UCP1: variants seen among roughly 807,000 people sequenced by gnomAD.
UCP1 encodes mitochondrial brown fat uncoupling protein 1.
A neutral mutation model predicts 26.2 loss-of-function variants in UCP1; 24 were observed. That is an observed-to-expected ratio of 0.92 (90% CI 0.66 to 1.29). The LOEUF (loss-of-function observed/expected upper bound fraction) is 1.29, where lower values mean the gene tolerates loss of function less well. UCP1 is among the 50% of genes most tolerant of loss of function. The pLI, the probability that UCP1 is intolerant of heterozygous loss-of-function variation, is 0.00. For missense variants in UCP1, 402 were observed against 388.7 expected (o/e 1.03, Z -0.29); for synonymous variants, 164 against 156.8 (o/e 1.05, Z -0.34).
chr4:140,568,545 G>T, intron 1 of UCP1, 59 bp downstream of exon 1: 1 of 1,609,682 alleles, frequency 6.2e-7, no homozygotes, highest in Non-Finnish European at 8.5e-7. Flanking sequence ...TAAATGGAAT[G>T]CACGCAACAG....
rs776290488 is a variant in UCP1 at position 140,563,443 on chromosome 4, G to A, written c.401C>T (p.Thr134Ile). ...TTGAAGTCTGACTTTCACGACCTCT[G>A]TGGGTTGCCCAATGAATACTGCCAC... is the stretch of plus-strand genomic sequence containing the variant. ...GGVAVFIGQP[T>I]EVVKVRLQAQ... is the part of the protein sequence containing the mutation. Residue 134 changes from threonine (T) to isoleucine (I), a missense_variant, in exon 3 of 6, where the codon ACA becomes ATA. Transcript: ENST00000262999. 9 of 1,614,002 alleles carry A rather than the reference G, an allele frequency of 5.6e-6. No homozygotes were observed. The Admixed American group carries it at 1.5e-4, about 27-fold the overall frequency.
At chr4:140,560,318 C>T (rs1277347520) in intron 5 of UCP1, among the ~76,000 whole-genome samples, 3 of 152,188 alleles carry the variant, frequency 2.0e-5, no homozygotes, top group African/African-American at 7.2e-5. Flanking sequence ...CCCTCCTCTG[C>T]TGAAAATAAA....
intron 2 of UCP1, 91 bp downstream of exon 2, chr4:140,567,688 T>C: frequency 6.7e-7 from 1 of 1,499,480 alleles, no homozygotes; most frequent in Non-Finnish European, 9.3e-7. Flanking sequence ...CGCCAATTTG[T>C]TATGAAAACC....
intron 5 of UCP1, 79 bp downstream of exon 5, chr4:140,562,114 G>A: frequency 1.3e-6 from 2 of 1,514,006 alleles, no homozygotes; most frequent in Non-Finnish European, 9.2e-7. Flanking sequence ...TAAGCTAAAT[G>A]TCGGTTGCTT....
Position 140,567,997 on chromosome 4 carries a change from A to C in UCP1, c.127-20T>G, listed in dbSNP as rs772581688. On this transcript the variant is annotated intron_variant, in intron 1 of 5. Coordinates refer to ENST00000262999, the MANE Select transcript of UCP1 (RefSeq NM_021833.5). ...TTGGACCTGGAAATAAGAAAGGTGC[A>C]GAACAGAAGGGAGCGAAATTGAGTT... 6.8e-6 allele frequency: 11 copies of C among 1,613,926 alleles called. No individual in the cohort carries two copies. In the Admixed American group the frequency reaches 8.3e-5, roughly 12 times the overall value.
chr4:140,568,695 G>T lies in UCP1; in HGVS notation c.35C>A (p.Thr12Asn), dbSNP rs1291649595. 1.9e-6 allele frequency: 3 copies of T among 1,604,558 alleles called. No homozygotes were observed. Among genetic ancestry groups the T allele is most frequent in the South Asian group, 1.1e-5 (1 of 89,034 alleles). ...AGCTGAGAAGAGCTGGACCCCCAGG[G>T]TCGGGTGTACGTCCGAGGCTGTCAG... ...GGLTASDVHP[T>N]LGVQLFSAGI... is the part of the protein sequence containing the mutation. The change falls in exon 1 of 6, where the codon ACC (threonine) becomes AAC (asparagine). Residue 12 changes from threonine to asparagine, a missense_variant. Transcript: ENST00000262999.
intron 5 of UCP1, among the ~76,000 whole-genome samples, chr4:140,561,718 T>C (rs1381988621): frequency 6.6e-6 from 1 of 152,204 alleles, no homozygotes; most frequent in African/African-American, 2.4e-5. Flanking sequence ...ACAACACTTG[T>C]TTCTAGGTGA....
At chr4:140,566,422 C>G (rs940618878) in intron 2 of UCP1, among the ~76,000 whole-genome samples, 1 of 152,194 alleles carries the variant, frequency 6.6e-6, no homozygotes, top group Admixed American at 6.5e-5. Flanking sequence ...CCAAAGTCCA[C>G]AACAATTGGT....
chr4:140,566,237 A>G (rs1441880283), intron 2 of UCP1, among the ~76,000 whole-genome samples: 1 of 152,174 alleles, frequency 6.6e-6, no homozygotes, highest in Non-Finnish European at 1.5e-5. Flanking sequence ...ATAGTCATCT[A>G]TTCACTTCTC....
intron 5 of UCP1, among the ~76,000 whole-genome samples, chr4:140,560,748 CAAAA>C (rs5862487): frequency 6.8e-6 from 1 of 146,774 alleles, no homozygotes; most frequent in Non-Finnish European, 1.5e-5. Flanking sequence ...TATTTTGCTG[CAAAA>C]AAAAAAAATC....
At chr4:140,562,799 C>T (rs770955892) in intron 4 of UCP1, among the ~76,000 whole-genome samples, 1 of 151,990 alleles carries the variant, frequency 6.6e-6, no homozygotes, top group Non-Finnish European at 1.5e-5. Flanking sequence ...ATGGACTTAC[C>T]TCCTGAATTC....
chr4:140,561,967 T>TTGAA (rs1205537945), intron 5 of UCP1, among the ~76,000 whole-genome samples: 26 of 152,324 alleles, frequency 1.7e-4, no homozygotes, highest in African/African-American at 5.8e-4. Context: ...GGCACTGGTC[T>TTGAA]TGAATGAGCC....
At position 140,567,946 on chromosome 4, in the gene UCP1, A is replaced by G. The variant is rs1185711907; in HGVS notation, c.158T>C (p.Ile53Thr). ...TGTTCCCAGGACACCTTTATACCTA[A>G]TAACACTGGACGTCGGGCATTCACC... ...VQGECPTSSVIRYKGVLGTIT... is the reference protein window; with the variant it reads ...VQGECPTSSVTRYKGVLGTIT... Residue 53 changes from isoleucine to threonine, a missense_variant, in exon 2 of 6, where the codon ATT (isoleucine) becomes ACT (threonine). Ile to Thr is a moderately conservative substitution (Grantham distance 89, BLOSUM62 -1). Transcript: ENST00000262999. 6.2e-7 allele frequency: 1 copy of G among 1,614,220 alleles called. No homozygotes were observed. The highest frequency in any genetic ancestry group is 1.1e-5 in the South Asian group (1 of 91,090).
intron 2 of UCP1, among the ~76,000 whole-genome samples, chr4:140,567,418 T>C (rs1228929531): frequency 6.6e-6 from 1 of 152,200 alleles, no homozygotes; most frequent in Non-Finnish European, 1.5e-5. Context: ...CAGAGGACCA[T>C]GGTAGTCCTC....
intron 5 of UCP1, among the ~76,000 whole-genome samples, chr4:140,560,884 A>T (rs187220083): frequency 2.6e-5 from 4 of 151,952 alleles, no homozygotes; most frequent in African/African-American, 9.7e-5. Context: ...ACAGCTCTCC[A>T]TTTTTTCCTA....
chr4:140,567,958 G>A lies in UCP1; in HGVS notation c.146C>T (p.Thr49Met). 3 of 1,614,192 alleles carry A rather than the reference G, an allele frequency of 1.9e-6. No individual in the cohort carries two copies. Among genetic ancestry groups the A allele is most frequent in the African/African-American group, 1.3e-5 (1 of 75,038 alleles). The change falls in exon 2 of 6, where the codon ACG becomes ATG. Residue 49 changes from threonine to methionine, a missense_variant. Coordinates refer to ENST00000262999, the MANE Select transcript of UCP1 (RefSeq NM_021833.5). ...VRLQVQGECPTSSVIRYKGVL... is the reference protein window; with the variant it reads ...VRLQVQGECPMSSVIRYKGVL... ...ACCTTTATACCTAATAACACTGGAC[G>A]TCGGGCATTCACCTTGGACCTGGAA... is the stretch of plus-strand genomic sequence containing the variant.
chr4:140,559,871 T>A lies in UCP1; in HGVS notation c.*25A>T, dbSNP rs1735639015. 6.4e-7 allele frequency: 1 copy of A among 1,555,232 alleles called. No individual in the cohort carries two copies. Among genetic ancestry groups the A allele is most frequent in the Admixed American group, 1.7e-5 (1 of 59,908 alleles). ...CCAGTCAGCAAGATTCCCACTGGTA[T>A]GTTACATCATTTTCTTGAAGCTGAT... On this transcript the variant is annotated 3_prime_UTR_variant, in exon 6 of 6. Coordinates refer to ENST00000262999, the MANE Select transcript of UCP1 (RefSeq NM_021833.5).
chr4:140,568,053 C>T, intron 1 of UCP1, 76 bp from the exon 2 acceptor site: 2 of 1,516,372 alleles, frequency 1.3e-6, no homozygotes, highest in South Asian at 1.1e-5. Context: ...CCCCTGTGTT[C>T]CTATTTTCCG....
chr4:140,567,909 C>A lies in UCP1; in HGVS notation c.195G>T (p.Val65=). ...GTTTCATCCGCCCTTCTGTTTTTAC[C>A]ACAGCGGTGATTGTTCCCAGGACAC... ...YKGVLGTITA[V]VKTEGRMKLY... is the part of the protein sequence containing the mutation. Residue 65 remains valine, a synonymous_variant, in exon 2 of 6, where the codon GTG becomes GTT. Transcript: ENST00000262999. 6.2e-7 allele frequency: 1 copy of A among 1,614,188 alleles called. No individual in the cohort carries two copies. Among genetic ancestry groups the A allele is most frequent in the Non-Finnish European group, 8.5e-7 (1 of 1,180,028 alleles).
Sources: gnomAD v4.1 joint callset for allele counts (sites outside exome capture counted in the v4.1 genomes callset) on GRCh38, gnomAD v4.1.1 for gene constraint, MANE v1.5 for transcripts, NCBI Gene and HGNC (gene_info 2026-07-23, HGNC 2026-07-21) for gene names.